The following FHIT variants were observed in gnomAD, a reference collection of about 807,000 sequenced individuals.
FHIT encodes the protein fragile histidine triad diadenosine triphosphatase.
In FHIT, 19 loss-of-function variants were observed where a neutral mutation model predicts 17.9. The observed-to-expected ratio is 1.06, with a 90% CI of 0.74 to 1.56. FHIT has a LOEUF of 1.56. Among genes scored for constraint, FHIT ranks in the 40% most tolerant of loss-of-function variants. The pLI is 0.00. For synonymous variants in FHIT, 81 were observed against 69.7 expected, an observed-to-expected ratio of 1.16 and a Z score of -0.81; for missense variants, 248 against 189.2, an observed-to-expected ratio of 1.31 and a Z score of -1.82.
intron 4 of FHIT, among the ~76,000 whole-genome samples, chr3:60,717,543 CGAG>C (rs371200219): frequency 6.6e-6 from 1 of 152,096 alleles, no homozygotes; most frequent in African/African-American, 2.4e-5. Flanking sequence ...CAGGGCTACC[CGAG>C]CAGCAGCGCA....
At chr3:60,663,722 G>C (rs1457858677) in intron 4 of FHIT, among the ~76,000 whole-genome samples, 3 of 152,064 alleles carry the variant, frequency 2.0e-5, no homozygotes, top group Non-Finnish European at 4.4e-5. Context: ...CCCGGCCTCT[G>C]TACCTGTTTT....
chr3:61,187,750 T>C (rs1315886232), intron 2 of FHIT, among the ~76,000 whole-genome samples: 3 of 152,108 alleles, frequency 2.0e-5, no homozygotes, highest in Non-Finnish European at 4.4e-5. Context: ...CACAGTGCAA[T>C]CAAACTAGAA....
At chr3:59,809,154 C>T (rs139262211) in intron 8 of FHIT, among the ~76,000 whole-genome samples, 172 of 152,162 alleles carry the variant, frequency 1.1e-3, no homozygotes, top group African/African-American at 3.9e-3. Flanking sequence ...TGCATGTCCA[C>T]CTAGAGCCTC....
At chr3:60,767,146 A>T (rs2108066467) in intron 4 of FHIT, among the ~76,000 whole-genome samples, 1 of 152,352 alleles carries the variant, frequency 6.6e-6, no homozygotes, top group African/African-American at 2.4e-5. Context: ...AAACAGACAA[A>T]TAACAGGCAT....
rs181307349 is a variant in FHIT, at chr3:60,509,920, G to A, written c.103+26940C>T. Among the ~76,000 whole-genome samples, 254 of 152,174 alleles carry A rather than the reference G, an allele frequency of 1.7e-3. 3 individuals are homozygous for A. Among genetic ancestry groups the A allele is most frequent in the Middle Eastern group, 6.8e-3 (2 of 294 alleles). Reference sequence around the variant, plus strand: ...TACCTGGTAAAGAAACCTTGCTACCGTCTCAACCTTTGCCAACATTATCAT... The same window carrying A: ...TACCTGGTAAAGAAACCTTGCTACCATCTCAACCTTTGCCAACATTATCAT... On this transcript the variant is annotated intron_variant, in intron 5 of 9. Transcript: ENST00000492590.
At chr3:60,369,892 T>C (rs1160553615) in intron 5 of FHIT, among the ~76,000 whole-genome samples, 1 of 152,080 alleles carries the variant, frequency 6.6e-6, no homozygotes, top group Non-Finnish European at 1.5e-5. Flanking sequence ...ATTAAACCAA[T>C]ACAAAGACAA....
At chr3:60,214,015 T>C (rs1481369192) in intron 5 of FHIT, among the ~76,000 whole-genome samples, 2 of 152,264 alleles carry the variant, frequency 1.3e-5, no homozygotes, top group Admixed American at 1.3e-4. Context: ...AACATAGGTG[T>C]CATGCAGAAT....
At chr3:60,010,124 G>GAGAACCA (rs1700083877) in intron 7 of FHIT, among the ~76,000 whole-genome samples, 1 of 152,142 alleles carries the variant, frequency 6.6e-6, no homozygotes, top group African/African-American at 2.4e-5. Flanking sequence ...TTTGAATACT[G>GAGAACCA]AGTTTTAAAA....
chr3:61,196,843 G>A (rs1416013106), intron 2 of FHIT, among the ~76,000 whole-genome samples: 2 of 152,208 alleles, frequency 1.3e-5, no homozygotes, highest in African/African-American at 4.8e-5. Context: ...AACCCACAAT[G>A]CTGCAGGGAA....
At chr3:60,962,259 T>C (rs1553781243) in intron 3 of FHIT, among the ~76,000 whole-genome samples, 1 of 152,226 alleles carries the variant, frequency 6.6e-6, no homozygotes, top group Admixed American at 6.5e-5. Context: ...AGAATGCTTG[T>C]GATTTTTTGC....
At chr3:60,784,254 G>A (rs1297274345) in intron 4 of FHIT, among the ~76,000 whole-genome samples, 2 of 152,162 alleles carry the variant, frequency 1.3e-5, no homozygotes, top group Non-Finnish European at 2.9e-5. Context: ...ACCTGTAAGA[G>A]GCCCCGGACA....
intron 8 of FHIT, among the ~76,000 whole-genome samples, chr3:59,768,887 C>T (rs529634938): frequency 6.6e-5 from 10 of 151,928 alleles, no homozygotes; most frequent in East Asian, 1.9e-4. Flanking sequence ...CTGTGGCCTT[C>T]GCCAATCTTA....
chr3:60,096,978 C>G (rs1465367742), intron 5 of FHIT, among the ~76,000 whole-genome samples: 1 of 142,064 alleles, frequency 7.0e-6, no homozygotes, highest in Non-Finnish European at 1.5e-5. Flanking sequence ...GCTAGGAGTT[C>G]AAGGCCAACC....
chr3:60,955,262 G>A (rs9842471), intron 3 of FHIT, among the ~76,000 whole-genome samples: 3,627 of 152,134 alleles, frequency 0.024, 143 homozygotes, highest in African/African-American at 0.082. Context: ...GCAACCACAG[G>A]AATAAATCTT....
intron 5 of FHIT, among the ~76,000 whole-genome samples, chr3:60,352,888 G>C (rs966318922): frequency 6.6e-6 from 1 of 152,038 alleles, no homozygotes; most frequent in African/African-American, 2.4e-5. Flanking sequence ...TCTTACCTAG[G>C]AGCTCCCTCT....
At chr3:60,701,270 T>C (rs1477358371) in intron 4 of FHIT, among the ~76,000 whole-genome samples, 4 of 152,038 alleles carry the variant, frequency 2.6e-5, no homozygotes, top group African/African-American at 9.7e-5. Flanking sequence ...ACTACAGGCA[T>C]GTGCCACTGT....
chr3:59,999,056 G>C (rs1396816401), intron 7 of FHIT, among the ~76,000 whole-genome samples: 2 of 152,024 alleles, frequency 1.3e-5, no homozygotes, highest in African/African-American at 4.8e-5. Flanking sequence ...CCATATTTAT[G>C]ATTTTATTGG....
intron 8 of FHIT, among the ~76,000 whole-genome samples, chr3:59,763,449 G>T (rs1701632430): frequency 6.6e-6 from 1 of 152,222 alleles, no homozygotes; most frequent in Admixed American, 6.5e-5. Flanking sequence ...TGAAGAAGCT[G>T]ATCTAGCTGG....
intron 3 of FHIT, among the ~76,000 whole-genome samples, chr3:61,012,132 T>C (rs1258693679): frequency 6.6e-6 from 1 of 152,172 alleles, no homozygotes; most frequent in Non-Finnish European, 1.5e-5. Context: ...AAATTAAAAA[T>C]CATATTTGCA....
Sources: gnomAD v4.1 joint callset for allele counts (sites outside exome capture counted in the v4.1 genomes callset) on GRCh38, gnomAD v4.1.1 for gene constraint, MANE v1.5 for transcripts, NCBI Gene and HGNC (gene_info 2026-07-23, HGNC 2026-07-21) for gene names.